Variants in TOP2B observed in about 807,000 individuals in gnomAD.
The protein encoded by TOP2B is DNA topoisomerase 2-beta.
Under a neutral mutation model 193.5 loss-of-function variants are expected in TOP2B, and 51 were observed. The ratio of observed to expected loss-of-function variants is 0.26; its 90% confidence interval spans 0.21 to 0.33. TOP2B has a LOEUF of 0.33. Ranked by LOEUF, TOP2B falls within the 10% of genes least tolerant of loss-of-function variation. The pLI is 1.00. For missense variants in TOP2B, 1,378 were observed against 1,909.3 expected (o/e 0.72, Z 5.19); for synonymous variants, 634 against 635.7 (o/e 1.00, Z 0.04).
Position 25,598,448 on chromosome 3 carries a change from A to G in TOP2B, c.4740T>C (p.Asp1580=), listed in dbSNP as rs576675356. Residue 1580 remains aspartate (D), a synonymous_variant, in exon 36 of 36, where the codon GAT becomes GAC. Transcript: ENST00000264331. ...KKPKKTSFDQ[D]SDVDIFPSDF... Reference sequence around the variant, plus strand: ...CTGAGGGGAAGATGTCCACATCTGAATCCTGATCAAAAGATGTCTTCTTCG... The same window carrying G: ...CTGAGGGGAAGATGTCCACATCTGAGTCCTGATCAAAAGATGTCTTCTTCG... 1.9e-6 allele frequency: 3 copies of G among 1,599,816 alleles called. No individual in the cohort carries two copies. Among genetic ancestry groups the G allele is most frequent in the Non-Finnish European group, 8.5e-7 (1 of 1,175,588 alleles).
At chr3:25,604,734 T>C (rs1702193385) in intron 33 of TOP2B, 26 bp downstream of exon 33, 1 of 1,514,918 alleles carries the variant, frequency 6.6e-7, no homozygotes, top group African/African-American at 1.4e-5. Flanking sequence ...ATCCAATGCT[T>C]AACTCAATCA....
At position 25,623,544 on chromosome 3, in the gene TOP2B, T is replaced by C; in HGVS notation, c.2698A>G (p.Met900Val). The change falls in exon 21 of 36, where the codon ATG (methionine) becomes GTG (valine). Residue 900 changes from methionine (M) to valine (V), a missense_variant. By Grantham distance (21) the Met-to-Val change is conservative. Coordinates refer to ENST00000264331, the MANE Select transcript of TOP2B (RefSeq NM_001330700.2). The part of the protein sequence containing the change: ...AREIVNNVRR[M>V]LDGLDPHPML... ...GGATGAGGATCCAGGCCATCTAGCA[T>C]TCGTCTGACATTGTTCACAATTTCC... 1 of 1,613,976 alleles carries C rather than the reference T, an allele frequency of 6.2e-7. No homozygotes were observed. Among genetic ancestry groups the C allele is most frequent in the Non-Finnish European group, 8.5e-7 (1 of 1,179,862 alleles).
chr3:25,626,500 T>A, intron 18 of TOP2B, 60 bp downstream of exon 18: 1 of 939,850 alleles, frequency 1.1e-6, no homozygotes. Flanking sequence ...TGGCTTAAAG[T>A]ACATGAAATT....
At chr3:25,608,857 C>T (rs1702299043) in intron 30 of TOP2B, among the ~76,000 whole-genome samples, 1 of 152,052 alleles carries the variant, frequency 6.6e-6, no homozygotes, top group South Asian at 2.1e-4. Context: ...CAAACAAAAA[C>T]AAAACCACAA....
In TOP2B at chr3:25,598,196, G is replaced by A. The variant is rs936755609; in HGVS notation, c.*111C>T. The A allele has an allele frequency of 1.2e-4, 143 of 1,160,132 alleles. No homozygotes were observed. The highest frequency in any genetic ancestry group is 2.5e-4 in the Admixed American group (10 of 39,824). The allele number at this position is 1,160,132 out of a possible 1,614,324, so 71.9% of individuals were successfully genotyped here. The stretch of plus-strand genomic sequence containing the variant: ...AGGCCTACCACAATAATAAAAAACC[G>A]TCAATTACATCATCACATTAAAATA... On this transcript the variant is annotated 3_prime_UTR_variant, in exon 36 of 36. Transcript: ENST00000264331.
intron 30 of TOP2B, 134 bp downstream of exon 30, chr3:25,609,049 C>T: frequency 1.5e-6 from 1 of 671,348 alleles, no homozygotes; most frequent in Non-Finnish European, 2.2e-6. Flanking sequence ...TTCTATAAGG[C>T]AATTTTTTCC....
At chr3:25,614,689 T>A (rs1702460639) in intron 27 of TOP2B, among the ~76,000 whole-genome samples, 1 of 152,066 alleles carries the variant, frequency 6.6e-6, no homozygotes, top group South Asian at 2.1e-4. Flanking sequence ...CAGGTATTCA[T>A]AATGCTACCA....
chr3:25,624,475 A>G (rs1702742607), intron 19 of TOP2B, 30 bp from the exon 20 acceptor site: 1 of 1,588,410 alleles, frequency 6.3e-7, no homozygotes, highest in Non-Finnish European at 8.5e-7. Context: ...AGAACATAAC[A>G]TTAATATTCT....
chr3:25,636,203 A>G, intron 6 of TOP2B, 55 bp from the exon 7 acceptor site: 1 of 1,104,552 alleles, frequency 9.1e-7, no homozygotes, highest in Non-Finnish European at 1.3e-6. Flanking sequence ...CTCATAATAT[A>G]TAAAGACTAC....
intron 1 of TOP2B, among the ~76,000 whole-genome samples, chr3:25,649,228 A>G (rs1231665407): frequency 1.3e-5 from 2 of 152,170 alleles, no homozygotes; most frequent in Admixed American, 6.5e-5. Context: ...ATAAACATAA[A>G]AAGAGCTTAA....
chr3:25,599,608 T>C, intron 34 of TOP2B, 79 bp from the exon 35 acceptor site: 4 of 1,365,638 alleles, frequency 2.9e-6, no homozygotes, highest in Non-Finnish European at 4.0e-6. Context: ...TTGTAGTTTA[T>C]TTCTTTGGCA....
rs143641210 is a variant in TOP2B, at chr3:25,621,055, G to A, written c.2728-239C>T. ...CTTCCTAGAACAGTACTTTCTTTCA[G>A]CCTACTTCCCCTACACCTACTTCTC... On this transcript the variant is annotated intron_variant, in intron 21 of 35. Transcript: ENST00000264331. Among the ~76,000 whole-genome samples the A allele has an allele frequency of 5.3e-5, 8 of 152,040 alleles. No homozygotes were observed. In the East Asian group the frequency reaches 1.5e-3, roughly 29 times the overall value.
At chr3:25,638,423 G>C in intron 4 of TOP2B, 113 bp from the exon 5 acceptor site, 1 of 1,236,660 alleles carries the variant, frequency 8.1e-7, no homozygotes, top group East Asian at 2.9e-5. Flanking sequence ...AAACCTTAAT[G>C]GTTATAAGAT....
chr3:25,645,209 AAAGC>A, intron 2 of TOP2B, 87 bp downstream of exon 2: 5 of 1,218,206 alleles, frequency 4.1e-6, no homozygotes, highest in Non-Finnish European at 5.7e-6. Context: ...ACAAATTTCC[AAAGC>A]AAGTAATTAC....
chr3:25,661,086 C>T (rs556115742), intron 1 of TOP2B, among the ~76,000 whole-genome samples: 3 of 151,434 alleles, frequency 2.0e-5, no homozygotes, highest in South Asian at 2.1e-4. Context: ...CCGCAACCTC[C>T]GCCTCCAAGG....
intron 1 of TOP2B, among the ~76,000 whole-genome samples, chr3:25,648,879 A>G (rs1703494397): frequency 6.6e-6 from 1 of 152,154 alleles, no homozygotes; most frequent in African/African-American, 2.4e-5. Flanking sequence ...TAATAAATAA[A>G]TCACCACAAA....
At chr3:25,652,279 T>A (rs752227811) in intron 1 of TOP2B, among the ~76,000 whole-genome samples, 4 of 151,988 alleles carry the variant, frequency 2.6e-5, no homozygotes, top group Non-Finnish European at 5.9e-5. Context: ...ACACAGAAGA[T>A]CAATAAAGAC....
At chr3:25,609,399 A>T in intron 29 of TOP2B, 55 bp from the exon 30 acceptor site, 1 of 1,484,066 alleles carries the variant, frequency 6.7e-7, no homozygotes, top group Non-Finnish European at 9.0e-7. Flanking sequence ...AAATGTCATT[A>T]GTAAAAATAA....
chr3:25,631,054 C>A, intron 10 of TOP2B, 115 bp from the exon 11 acceptor site: 1 of 842,328 alleles, frequency 1.2e-6, no homozygotes. Flanking sequence ...TATTTTAGGG[C>A]AAAACAATAA....
Sources: gnomAD v4.1 joint callset for allele counts (sites outside exome capture counted in the v4.1 genomes callset) on GRCh38, gnomAD v4.1.1 for gene constraint, MANE v1.5 for transcripts, NCBI Gene and HGNC (gene_info 2026-07-23, HGNC 2026-07-21) for gene names.